PCDH15: variants seen among roughly 807,000 people sequenced by gnomAD.
PCDH15 encodes protocadherin related 15.
PCDH15 carries 129 observed loss-of-function variants against 178.5 expected under a neutral mutation model. That is an observed-to-expected ratio of 0.72 (90% confidence interval 0.63 to 0.84). The LOEUF is 0.84. Among genes scored for constraint, PCDH15 ranks in the 40% least tolerant of loss-of-function variants. The probability of loss-of-function intolerance (pLI) is 0.00; values close to 1 mark genes in which losing one functional copy is unlikely to be tolerated. For missense variants in PCDH15, 2,230 were observed against 2,099.9 expected, an observed-to-expected ratio of 1.06 and a Z score of -1.21; for synonymous variants, 800 against 732.0, an observed-to-expected ratio of 1.09 and a Z score of -1.50.
At chr10:54,687,449 C>T (rs1010805770) in intron 1 of PCDH15, among the ~76,000 whole-genome samples, 1 of 152,042 alleles carries the variant, frequency 6.6e-6, no homozygotes, top group African/African-American at 2.4e-5. Flanking sequence ...AAAAAATGTG[C>T]TACATATATA....
chr10:54,895,392 A>G (rs1403600021), intron 3 of PCDH15, among the ~76,000 whole-genome samples: 1 of 152,202 alleles, frequency 6.6e-6, no homozygotes, highest in Non-Finnish European at 1.5e-5. Context: ...TCTTGAGCTG[A>G]ATGTCTGGGT....
At chr10:53,983,313 T>C (rs1028803311) in intron 21 of PCDH15, among the ~76,000 whole-genome samples, 1 of 151,574 alleles carries the variant, frequency 6.6e-6, no homozygotes, top group African/African-American at 2.4e-5. Context: ...AGTCATATTT[T>C]AGTGAATTTA....
chr10:55,298,778 A>G (rs1331720777), intron 1 of PCDH15, among the ~76,000 whole-genome samples: 1 of 152,060 alleles, frequency 6.6e-6, no homozygotes, highest in Admixed American at 6.6e-5. Context: ...CGGTTTCACC[A>G]CGTTTGCCAG....
At chr10:54,229,578 TC>T (rs1482020193) in intron 9 of PCDH15, among the ~76,000 whole-genome samples, 1 of 152,146 alleles carries the variant, frequency 6.6e-6, no homozygotes, top group African/African-American at 2.4e-5. Context: ...GGCGGGTCTT[TC>T]CTGTACTCTT....
chr10:53,826,251 A>T (rs1588961088), intron 32 of PCDH15, among the ~76,000 whole-genome samples: 1 of 152,002 alleles, frequency 6.6e-6, no homozygotes, highest in Non-Finnish European at 1.5e-5. Flanking sequence ...GTCATGCTTT[A>T]ACCTATTATA....
chr10:53,924,766 C>T (rs1020622524), intron 25 of PCDH15, among the ~76,000 whole-genome samples: 8 of 152,286 alleles, frequency 5.3e-5, no homozygotes, highest in Admixed American at 2.0e-4. Context: ...TCTACCTAAT[C>T]TGGTGGGGAC....
chr10:55,380,349 G>A (rs553356115), intron 2 of PCDH15, among the ~76,000 whole-genome samples: 5 of 152,148 alleles, frequency 3.3e-5, no homozygotes, highest in Non-Finnish European at 7.4e-5. Context: ...CAAGTCTGGT[G>A]ATTAATGATA....
chr10:55,321,078 C>T (rs1289024836), upstream of PCDH15, among the ~76,000 whole-genome samples: 1 of 147,704 alleles, frequency 6.8e-6, no homozygotes, highest in Non-Finnish European at 1.5e-5. Context: ...ATGAAATGGC[C>T]ATTGAAAAGA....
chr10:54,814,287 G>T (rs923642426), intron 3 of PCDH15, among the ~76,000 whole-genome samples: 3 of 152,034 alleles, frequency 2.0e-5, no homozygotes, highest in South Asian at 2.1e-4. Flanking sequence ...ATAATGACTG[G>T]CACAGAGCAA....
intron 2 of PCDH15, among the ~76,000 whole-genome samples, chr10:54,562,029 TGCCCAGG>T (rs1461165052): frequency 7.3e-5 from 10 of 136,424 alleles, no homozygotes; most frequent in South Asian, 2.5e-4. Flanking sequence ...CTCCCTCTAT[TGCCCAGG>T]CTGGAATGCA....
At chr10:55,581,338 A>T (rs1009474057) in intron 2 of PCDH15, among the ~76,000 whole-genome samples, 1 of 152,056 alleles carries the variant, frequency 6.6e-6, no homozygotes, top group Non-Finnish European at 1.5e-5. Context: ...TCAGAAAAAT[A>T]TGCATTTATA....
chr10:54,416,604 A>T lies in PCDH15; in HGVS notation c.158-37662T>A, dbSNP rs534079583. Among the ~76,000 whole-genome samples the T allele has an allele frequency of 1.1e-3, 175 of 152,230 alleles. 2 individuals carry two copies. Among genetic ancestry groups the T allele is most frequent in the Non-Finnish European group, 2.0e-3 (134 of 68,016 alleles). ...TAAACATACATGTGCATTTGTCTTT[A>T]TAGTAGAATGATTTATATTCCTTTG... On this transcript the variant is annotated intron_variant, in intron 3 of 37. Transcript: ENST00000644397.
intron 3 of PCDH15, among the ~76,000 whole-genome samples, chr10:54,518,440 C>A (rs1179948649): frequency 1.3e-5 from 2 of 152,110 alleles, no homozygotes; most frequent in African/African-American, 4.8e-5. Flanking sequence ...CACCTCTACG[C>A]AAATAAACTG....
intron 2 of PCDH15, among the ~76,000 whole-genome samples, chr10:54,928,207 T>G (rs1256087546): frequency 6.6e-6 from 1 of 152,186 alleles, no homozygotes; most frequent in African/African-American, 2.4e-5. Context: ...TTAGTTTGGC[T>G]GAATAAAAGA....
chr10:55,566,053 AT>A (rs1842294751), intron 2 of PCDH15, among the ~76,000 whole-genome samples: 1 of 151,702 alleles, frequency 6.6e-6, no homozygotes, highest in African/African-American at 2.4e-5. Flanking sequence ...TCCTCAAAAA[AT>A]TTCTAGCAAA....
chr10:54,153,655 G>T (rs566591075), intron 13 of PCDH15, among the ~76,000 whole-genome samples: 272 of 152,154 alleles, frequency 1.8e-3, no homozygotes, highest in Admixed American at 3.1e-3. Flanking sequence ...TTGCATTCTT[G>T]ACACATAAAC....
upstream of PCDH15, among the ~76,000 whole-genome samples, chr10:55,324,286 C>T (rs1256645796): frequency 1.3e-5 from 2 of 152,056 alleles, no homozygotes; most frequent in Non-Finnish European, 2.9e-5. Context: ...AATTAAAAGT[C>T]ACAGAGTGGC....
chr10:54,969,105 G>A (rs1838867982), intron 2 of PCDH15, among the ~76,000 whole-genome samples: 1 of 150,818 alleles, frequency 6.6e-6, no homozygotes, highest in African/African-American at 2.4e-5. Flanking sequence ...CTACTTAATG[G>A]GTCACAATTT....
chr10:55,348,731 G>T lies in PCDH15; in HGVS notation c.-155-182080C>A, dbSNP rs140683772. ...TCCCTGTGGAGGGAATAGTGCAAAT[G>T]TGCTGAGACAGGGTTTTTCTTACTG... is the stretch of plus-strand genomic sequence containing the variant. On this transcript the variant is annotated intron_variant, in intron 2 of 5. Transcript: ENST00000613346. 9.8e-3 allele frequency among the ~76,000 whole-genome samples: 1,497 copies of T among 152,228 alleles called. 24 individuals carry two copies. The highest frequency in any genetic ancestry group is 0.034 in the African/African-American group (1,407 of 41,540).
Sources: gnomAD v4.1 joint callset for allele counts (sites outside exome capture counted in the v4.1 genomes callset) on GRCh38, gnomAD v4.1.1 for gene constraint, MANE v1.5 for transcripts, NCBI Gene and HGNC (gene_info 2026-07-23, HGNC 2026-07-21) for gene names.